The following GABRB1 variants were observed in gnomAD, a reference collection of about 807,000 sequenced individuals.
The protein encoded by GABRB1 is gamma-aminobutyric acid type A receptor subunit beta1, also known as gamma-aminobutyric acid receptor subunit beta-1.
Under a neutral mutation model 51.6 loss-of-function variants are expected in GABRB1, and 17 were observed. The observed-to-expected ratio is 0.33, with a 90% CI of 0.23 to 0.49. The LOEUF (loss-of-function observed/expected upper bound fraction) is 0.49. GABRB1 is among the 20% of genes least tolerant of loss of function. GABRB1 has a pLI of 0.99. For missense variants in GABRB1, 410 were observed against 600.6 expected (o/e 0.68, Z 3.32); for synonymous variants, 247 against 218.9 (o/e 1.13, Z -1.14).
intron 1 of GABRB1, among the ~76,000 whole-genome samples, chr4:47,025,896 C>T (rs906667690): frequency 2.0e-5 from 3 of 151,876 alleles, no homozygotes; most frequent in Admixed American, 1.3e-4. Context: ...TTTTGTAATG[C>T]CATCAACTTT....
intron 1 of GABRB1, among the ~76,000 whole-genome samples, chr4:46,995,640 A>C (rs1723969028): frequency 6.6e-6 from 1 of 152,238 alleles, no homozygotes; most frequent in African/African-American, 2.4e-5. Flanking sequence ...CTGGTATGAC[A>C]GATGTAAGCC....
intron 5 of GABRB1, among the ~76,000 whole-genome samples, chr4:47,351,909 C>T (rs1322535625): frequency 6.6e-6 from 1 of 151,954 alleles, no homozygotes; most frequent in Non-Finnish European, 1.5e-5. Flanking sequence ...ATTTATAGTC[C>T]TTTGGGTATA....
intron 4 of GABRB1, among the ~76,000 whole-genome samples, chr4:47,202,762 C>T (rs1719942699): frequency 6.6e-6 from 1 of 152,090 alleles, no homozygotes; most frequent in South Asian, 2.1e-4. Flanking sequence ...ATAATTCTTT[C>T]CCAGTAATGG....
At chr4:47,111,411 T>C (rs956345596) in intron 3 of GABRB1, among the ~76,000 whole-genome samples, 1 of 150,988 alleles carries the variant, frequency 6.6e-6, no homozygotes, top group African/African-American at 2.4e-5. Flanking sequence ...AATCCATATC[T>C]ATATCTATAT....
chr4:47,122,627 GGA>G (rs1202031125), intron 3 of GABRB1, among the ~76,000 whole-genome samples: 1 of 28,458 alleles, frequency 3.5e-5, no homozygotes, highest in Non-Finnish European at 8.1e-5. Flanking sequence ...CAGTCTCAAA[GGA>G]CACTGGGTGC....
intron 4 of GABRB1, among the ~76,000 whole-genome samples, chr4:47,283,488 C>T (rs1723378555): frequency 6.8e-6 from 1 of 146,730 alleles, no homozygotes; most frequent in African/African-American, 2.5e-5. Context: ...CAGGTTCACC[C>T]CATTCTCCTG....
rs1451940541 is a variant in GABRB1 at position 47,364,307 on chromosome 4, T to C, written c.545-39011T>C. The stretch of plus-strand genomic sequence containing the variant: ...CAAACTGTCCAATTTACTTTATGAG[T>C]ATTCTTCATGTTGCCAAGCTTCTTG... On this transcript the variant is annotated intron_variant, in intron 5 of 8. Transcript: ENST00000295454. Among the ~76,000 whole-genome samples, 5 of 152,280 alleles carry C rather than the reference T, an allele frequency of 3.3e-5. No homozygotes were observed. In the East Asian group the frequency reaches 9.7e-4, roughly 29 times the overall value.
chr4:47,347,260 TGACA>T (rs2109993734), intron 5 of GABRB1, among the ~76,000 whole-genome samples: 1 of 152,016 alleles, frequency 6.6e-6, no homozygotes, highest in South Asian at 2.1e-4. Flanking sequence ...GCTGCCTGGG[TGACA>T]GCAAAACTCC....
intron 4 of GABRB1, among the ~76,000 whole-genome samples, chr4:47,273,990 T>C (rs532738521): frequency 6.6e-6 from 1 of 152,180 alleles, no homozygotes; most frequent in South Asian, 2.1e-4. Flanking sequence ...CATACATGTA[T>C]ACATTTACAC....
intron 3 of GABRB1, among the ~76,000 whole-genome samples, chr4:47,035,481 A>G (rs2109476522): frequency 6.6e-6 from 1 of 152,314 alleles, no homozygotes; most frequent in East Asian, 1.9e-4. Context: ...ATTAAATTAG[A>G]AAGGATTGTT....
chr4:47,108,915 A>G (rs1715100097), intron 3 of GABRB1, among the ~76,000 whole-genome samples: 1 of 152,074 alleles, frequency 6.6e-6, no homozygotes, highest in Non-Finnish European at 1.5e-5. Context: ...AAGCTACTAG[A>G]GTAAACTTTG....
chr4:47,120,295 A>G (rs1402140628), intron 3 of GABRB1, among the ~76,000 whole-genome samples: 2 of 152,160 alleles, frequency 1.3e-5, no homozygotes, highest in Admixed American at 6.6e-5. Flanking sequence ...TATTAGCTGG[A>G]GAATTCAACA....
intron 4 of GABRB1, among the ~76,000 whole-genome samples, chr4:47,284,097 CAAAAA>C (rs780643469): frequency 4.1e-5 from 2 of 48,916 alleles, no homozygotes; most frequent in African/African-American, 1.3e-4. Context: ...GACTCAGTCT[CAAAAA>C]AAAAAAAAAA....
chr4:47,066,538 T>C (rs1225298825), intron 3 of GABRB1, among the ~76,000 whole-genome samples: 1 of 152,242 alleles, frequency 6.6e-6, no homozygotes, highest in African/African-American at 2.4e-5. Flanking sequence ...AAATCCTTTG[T>C]TGTGATTTCC....
At chr4:47,029,485 CT>C (rs764604573), upstream of GABRB1, among the ~76,000 whole-genome samples, 1 of 151,272 alleles carries the variant, frequency 6.6e-6, no homozygotes, top group Non-Finnish European at 1.5e-5. Flanking sequence ...GTTAAATTTG[CT>C]GAAAACATGT....
At chr4:47,027,132 C>T (rs1009710195), upstream of GABRB1, among the ~76,000 whole-genome samples, 3 of 151,414 alleles carry the variant, frequency 2.0e-5, no homozygotes, top group African/African-American at 4.8e-5. Flanking sequence ...AAAGTAATGG[C>T]TTAGAACATC....
Position 47,204,296 on chromosome 4 carries a change from C to A in GABRB1, c.461+42827C>A, listed in dbSNP as rs185380956. On this transcript the variant is annotated intron_variant, in intron 4 of 8. Coordinates refer to ENST00000295454, the MANE Select transcript of GABRB1 (RefSeq NM_000812.4). Reference sequence around the variant, plus strand: ...TGTATTTGAAGATCGAAATCAGAAGCACAGTCAGGGAATATGGTGACAAAC... The same window carrying A: ...TGTATTTGAAGATCGAAATCAGAAGAACAGTCAGGGAATATGGTGACAAAC... Among the ~76,000 whole-genome samples the A allele has an allele frequency of 5.3e-5, 8 of 152,210 alleles. No homozygotes were observed. The East Asian group carries it at 1.4e-3, about 26-fold the overall frequency.
intron 3 of GABRB1, among the ~76,000 whole-genome samples, chr4:47,046,948 C>T (rs957555735): frequency 3.9e-5 from 6 of 151,998 alleles, no homozygotes; most frequent in Non-Finnish European, 8.8e-5. Context: ...CGATGAAATA[C>T]ATGGACACAT....
At chr4:47,335,946 G>C (rs1249418569) in intron 5 of GABRB1, among the ~76,000 whole-genome samples, 2 of 152,084 alleles carry the variant, frequency 1.3e-5, no homozygotes, top group Non-Finnish European at 2.9e-5. Flanking sequence ...CCAGCTCTGA[G>C]ACTTATGCAT....
Sources: gnomAD v4.1 joint callset for allele counts (sites outside exome capture counted in the v4.1 genomes callset) on GRCh38, gnomAD v4.1.1 for gene constraint, MANE v1.5 for transcripts, NCBI Gene and HGNC (gene_info 2026-07-23, HGNC 2026-07-21) for gene names.